NEO1: variants seen among roughly 807,000 people sequenced by gnomAD.
The protein encoded by NEO1 is neogenin 1.
Under a neutral mutation model 159.7 loss-of-function variants are expected in NEO1, and 63 were observed. That is an observed-to-expected ratio of 0.39 (90% CI 0.32 to 0.49). The LOEUF (loss-of-function observed/expected upper bound fraction) is 0.49. NEO1 is among the 20% of genes least tolerant of loss of function. The pLI is 0.85. For missense variants in NEO1, 1,615 were observed against 1,831.0 expected (o/e 0.88, Z 2.15); for synonymous variants, 633 against 662.0 (o/e 0.96, Z 0.67).
chr15:73,062,595 C>A (rs1338695216), intron 1 of NEO1, among the ~76,000 whole-genome samples: 12 of 152,128 alleles, frequency 7.9e-5, no homozygotes, highest in Admixed American at 7.9e-4. Flanking sequence ...ATATTTTATT[C>A]ATTGATTTGA....
At chr15:73,245,023 C>T (rs1027430640) in intron 9 of NEO1, among the ~76,000 whole-genome samples, 1 of 141,730 alleles carries the variant, frequency 7.1e-6, no homozygotes, top group East Asian at 2.1e-4. Flanking sequence ...TCTGTTGGTG[C>T]TTTTCTACGT....
intron 1 of NEO1, among the ~76,000 whole-genome samples, chr15:73,081,039 G>C (rs1356030546): frequency 3.9e-5 from 6 of 152,116 alleles, no homozygotes; most frequent in African/African-American, 1.4e-4. Context: ...TGATTGACTT[G>C]AGATTAAAGT....
intron 7 of NEO1, among the ~76,000 whole-genome samples, chr15:73,203,283 C>T (rs995752481): frequency 3.3e-5 from 5 of 152,072 alleles, no homozygotes; most frequent in Non-Finnish European, 2.9e-5. Flanking sequence ...TTTCATTTTT[C>T]GGGGTGTTTT....
chr15:73,224,520 C>A (rs925846071), intron 7 of NEO1, among the ~76,000 whole-genome samples: 13 of 151,914 alleles, frequency 8.6e-5, no homozygotes, highest in Admixed American at 1.3e-4. Context: ...ATTCTTTTTT[C>A]TTTGTCTTTG....
At chr15:73,066,341 T>A (rs929383594) in intron 1 of NEO1, among the ~76,000 whole-genome samples, 2 of 149,034 alleles carry the variant, frequency 1.3e-5, no homozygotes, top group African/African-American at 2.5e-5. Flanking sequence ...TTTTTTTTTT[T>A]TAAATAGTTT....
At chr15:73,253,527 C>T in intron 12 of NEO1, 78 bp downstream of exon 12, 1 of 961,110 alleles carries the variant, frequency 1.0e-6, no homozygotes, top group Non-Finnish European at 1.5e-6. Flanking sequence ...AAGGGAGATT[C>T]TGTAGGAAAG....
chr15:73,156,674 G>A (rs1470209139), intron 5 of NEO1, among the ~76,000 whole-genome samples: 1 of 152,232 alleles, frequency 6.6e-6, no homozygotes, highest in African/African-American at 2.4e-5. Flanking sequence ...ATTGTCAACA[G>A]TAGGTTTTAT....
intron 5 of NEO1, chr15:73,162,167 A>T (rs2034232008): frequency 4.5e-6 from 1 of 222,062 alleles, no homozygotes; most frequent in African/African-American, 2.3e-5. Flanking sequence ...TCACTTTCCA[A>T]ATGTACCTAA....
chr15:73,152,552 G>A (rs1385152324), intron 5 of NEO1, among the ~76,000 whole-genome samples: 2 of 152,140 alleles, frequency 1.3e-5, no homozygotes, highest in African/African-American at 2.4e-5. Flanking sequence ...TGTTAAGAAA[G>A]TGTTTCTCTG....
chr15:73,183,683 G>A (rs2035750010), intron 7 of NEO1, among the ~76,000 whole-genome samples: 1 of 152,050 alleles, frequency 6.6e-6, no homozygotes, highest in Non-Finnish European at 1.5e-5. Context: ...TCTACTGTTT[G>A]GGAAAGGTCA....
In NEO1 at chr15:73,258,858, T is replaced by C; in HGVS notation, c.2185T>C (p.Phe729Leu). The C allele has an allele frequency of 6.2e-7, 1 of 1,613,726 alleles. No individual in the cohort carries two copies. Among genetic ancestry groups the C allele is most frequent in the Non-Finnish European group, 8.5e-7 (1 of 1,179,750 alleles). ...PATDWLSAETFESDLDETRVP... is the reference protein window; with the variant it reads ...PATDWLSAETLESDLDETRVP... ...AACTGACTGGCTGTCTGCTGAAACTTTTGAAAGTGACCTAGATGGTAAGAA... is the reference window on the plus strand; with the variant it reads ...AACTGACTGGCTGTCTGCTGAAACTCTTGAAAGTGACCTAGATGGTAAGAA... Residue 729 changes from phenylalanine (F) to leucine (L), a missense_variant, in exon 14 of 29, where the codon TTT becomes CTT. By Grantham distance (22) the Phe-to-Leu change is conservative. Around this residue, in one of 3 missense-constraint regions of NEO1, gnomAD observed 1,018 missense variants for 1,115.4 expected, o/e 0.91. Coordinates refer to ENST00000261908, the MANE Select transcript of NEO1 (RefSeq NM_002499.4).
Position 73,254,744 on chromosome 15 carries a change from C to T in NEO1, c.2007C>T (p.Tyr669=), listed in dbSNP as rs756598670. 2 of 1,614,070 alleles carry T rather than the reference C, an allele frequency of 1.2e-6. No individual in the cohort carries two copies. Among genetic ancestry groups the T allele is most frequent in the Non-Finnish European group, 8.5e-7 (1 of 1,179,982 alleles). The change falls in exon 13 of 29, where the codon TAC becomes TAT. Residue 669 remains tyrosine (Y), a synonymous_variant. Transcript: ENST00000261908. ...CACAAAATGGGCAGATTACTGGCTACAAGATTCGCTACCGAAAGGCCTCCC... is the reference window on the plus strand; with the variant it reads ...CACAAAATGGGCAGATTACTGGCTATAAGATTCGCTACCGAAAGGCCTCCC... ...PATQNGQITG[Y]KIRYRKASRK...
intron 23 of NEO1, among the ~76,000 whole-genome samples, chr15:73,286,288 T>G (rs2041945961): frequency 6.6e-6 from 1 of 152,222 alleles, no homozygotes; most frequent in African/African-American, 2.4e-5. Context: ...CCAAAGAACA[T>G]TTTTCAGTTC....
chr15:73,238,738 G>A (rs745498625), intron 8 of NEO1, among the ~76,000 whole-genome samples: 3 of 151,970 alleles, frequency 2.0e-5, no homozygotes, highest in African/African-American at 7.3e-5. Context: ...AATACAAGCA[G>A]ATGATTCATA....
chr15:73,160,659 A>G (rs1480744892), intron 5 of NEO1, among the ~76,000 whole-genome samples: 2 of 151,980 alleles, frequency 1.3e-5, no homozygotes, highest in African/African-American at 4.8e-5. Context: ...CTTAAATTTA[A>G]CCGTTTATTA....
chr15:73,175,179 A>G (rs2035212097), intron 5 of NEO1, among the ~76,000 whole-genome samples: 1 of 152,196 alleles, frequency 6.6e-6, no homozygotes, highest in Non-Finnish European at 1.5e-5. Context: ...GTCTATGTAG[A>G]TAATCCCCAA....
chr15:73,065,009 T>G (rs941278409), intron 1 of NEO1, among the ~76,000 whole-genome samples: 1 of 152,140 alleles, frequency 6.6e-6, no homozygotes, highest in African/African-American at 2.4e-5. Flanking sequence ...CTCTTTTAGC[T>G]TGCCAGTTAT....
Position 73,253,404 on chromosome 15 carries a change from C to T in NEO1, c.1899C>T (p.Pro633=). 1.3e-6 allele frequency: 2 copies of T among 1,579,090 alleles called. No individual in the cohort carries two copies. The highest frequency in any genetic ancestry group is 1.7e-6 in the Non-Finnish European group (2 of 1,165,054). Reference sequence around the variant, plus strand: ...TTTTTTTTTTTGTTTCTCTAGTTCCCAGTGCTGCTCCTCAGAATCTGTCCT... The same window carrying T: ...TTTTTTTTTTTGTTTCTCTAGTTCCTAGTGCTGCTCCTCAGAATCTGTCCT... ...DVAVRTLSDV[P]SAAPQNLSLE... is the part of the protein sequence containing the mutation. The change falls in exon 12 of 29, where the codon CCC becomes CCT. Residue 633 remains proline (P), a synonymous_variant. Coordinates refer to ENST00000261908, the MANE Select transcript of NEO1 (RefSeq NM_002499.4).
At chr15:73,173,826 G>T (rs142824919) in intron 5 of NEO1, among the ~76,000 whole-genome samples, 1 of 152,082 alleles carries the variant, frequency 6.6e-6, no homozygotes, top group Non-Finnish European at 1.5e-5. Context: ...ATGGCCGGTC[G>T]CGGTGGCTCA....
Sources: gnomAD v4.1 joint callset for allele counts (sites outside exome capture counted in the v4.1 genomes callset) on GRCh38, gnomAD v4.1.1 for gene constraint, gnomAD v4.1.1 regional missense constraint, MANE v1.5 for transcripts, NCBI Gene and HGNC (gene_info 2026-07-23, HGNC 2026-07-21) for gene names.